The following BRCA2 variants were observed in gnomAD, a reference collection of about 807,000 sequenced individuals.
BRCA2 encodes breast cancer type 2 susceptibility protein.
Under a neutral mutation model 276.7 loss-of-function variants are expected in BRCA2, and 203 were observed. That is an observed-to-expected ratio of 0.73 (90% CI 0.65 to 0.82). The LOEUF (loss-of-function observed/expected upper bound fraction) is 0.82, where lower values mean the gene tolerates loss of function less well. Ranked by LOEUF, BRCA2 falls within the 40% of genes least tolerant of loss-of-function variation. The probability of loss-of-function intolerance (pLI) is 0.00; values close to 1 mark genes in which losing one functional copy is unlikely to be tolerated. For missense variants in BRCA2, 3,920 were observed against 3,915.0 expected (o/e 1.00, Z -0.03); for synonymous variants, 1,289 against 1,338.4 (o/e 0.96, Z 0.81).
Position 32,339,829 on chromosome 13 carries a change from C to T in BRCA2, c.5474C>T (p.Ala1825Val), listed in dbSNP as rs397507352. 8.1e-6 allele frequency: 13 copies of T among 1,613,740 alleles called. No individual in the cohort carries two copies. In the Admixed American group the frequency reaches 1.0e-4, roughly 12 times the overall value. The change falls in exon 11 of 27, where the codon GCA (alanine) becomes GTA (valine). Residue 1825 changes from alanine (A) to valine (V), a missense_variant. Physicochemically the swap from Ala to Val is moderately conservative, Grantham distance 64. Transcript: ENST00000380152. Reference protein sequence around the residue: ...TSSSPCKNKNAAIKLSISNSN... With the variant: ...TSSSPCKNKNVAIKLSISNSN... ...TCTTCACCCTGCAAAAATAAAAATG[C>T]AGCCATTAAATTGTCCATATCTAAT... is the stretch of plus-strand genomic sequence containing the variant.
In BRCA2 at chr13:32,363,523, T is replaced by A. The variant is rs786203278; in HGVS notation, c.8321T>A (p.Leu2774His). The A allele has an allele frequency of 6.2e-7, 1 of 1,612,678 alleles. No homozygotes were observed. The highest frequency in any genetic ancestry group is 8.5e-7 in the Non-Finnish European group (1 of 1,178,754). Residue 2774 changes from leucine (L) to histidine (H), a missense_variant, in exon 18 of 27, where the codon CTT becomes CAT. Leu to His is a moderately conservative substitution (Grantham distance 99). Around this residue, in one of 2 missense-constraint regions of BRCA2, gnomAD observed 657 missense variants for 758.2 expected, o/e 0.87. Coordinates refer to ENST00000380152, the MANE Select transcript of BRCA2 (RefSeq NM_000059.4). The part of the protein sequence containing the change: ...ACTPLEAPES[L>H]MLKISANSTR... ...ACACCTCTTGAAGCCCCAGAATCTC[T>A]TATGTTAAAGGTAAATTAATTTGCA... is the stretch of plus-strand genomic sequence containing the variant.
chr13:32,364,809 T>C (rs1308563849), intron 18 of BRCA2, among the ~76,000 whole-genome samples: 1 of 152,186 alleles, frequency 6.6e-6, no homozygotes, highest in East Asian at 1.9e-4. Context: ...GCTTACTCCA[T>C]TCTGAAGTGC....
In BRCA2 at chr13:32,398,833, A is replaced by G. The variant is rs2073059308; in HGVS notation, c.*63A>G. The G allele has an allele frequency of 6.4e-7, 1 of 1,561,908 alleles. No homozygotes were observed. ...CCTTTCCAGTTTATAAGACTGGAATATAATTTCAAACCACACATTAGTACT... is the reference window on the plus strand; with the variant it reads ...CCTTTCCAGTTTATAAGACTGGAATGTAATTTCAAACCACACATTAGTACT... On this transcript the variant is annotated 3_prime_UTR_variant, in exon 27 of 27. Coordinates refer to ENST00000380152, the MANE Select transcript of BRCA2 (RefSeq NM_000059.4).
At chr13:32,319,608 C>G (rs1192911033) in intron 3 of BRCA2, among the ~76,000 whole-genome samples, 1 of 152,128 alleles carries the variant, frequency 6.6e-6, no homozygotes, top group Non-Finnish European at 1.5e-5. Flanking sequence ...GCCAAAAAAA[C>G]CTAGGACTTG....
At chr13:32,322,488 A>G (rs1021434449) in intron 3 of BRCA2, among the ~76,000 whole-genome samples, 1 of 152,160 alleles carries the variant, frequency 6.6e-6, no homozygotes, top group African/African-American at 2.4e-5. Flanking sequence ...AAGTAAAGGG[A>G]TGGGTCTGGC....
At chr13:32,358,584 G>A (rs1486059606) in intron 16 of BRCA2, among the ~76,000 whole-genome samples, 1 of 151,756 alleles carries the variant, frequency 6.6e-6, no homozygotes, top group Non-Finnish European at 1.5e-5. Context: ...TTGAGCACAG[G>A]AGTTTGAGAC....
chr13:32,379,747 C>T lies in BRCA2; in HGVS notation c.8954-3C>T, dbSNP rs81002844. ...TGCATCTTTCTCATCTTTCTCCAAA[C>T]AGTTATACTGAGTATTTGGCGTCCA... is the stretch of plus-strand genomic sequence containing the variant. On this transcript the variant is annotated splice_polypyrimidine_tract_variant and splice_region_variant and intron_variant, in intron 22 of 26. Transcript: ENST00000380152. 1 of 1,609,162 alleles carries T rather than the reference C, an allele frequency of 6.2e-7. No individual in the cohort carries two copies. Among genetic ancestry groups the T allele is most frequent in the Non-Finnish European group, 8.5e-7 (1 of 1,175,754 alleles).
rs80359206 is a variant in BRCA2 at position 32,394,782 on chromosome 13, A to G, written c.9350A>G (p.His3117Arg). The G allele has an allele frequency of 1.2e-6, 2 of 1,614,132 alleles. No individual in the cohort carries two copies. The highest frequency in any genetic ancestry group is 1.7e-5 in the Admixed American group (1 of 60,014). ...IDLNEDIIKP[H>R]MLIAASNLQW... The stretch of plus-strand genomic sequence containing the variant: ...CTTAATGAGGACATTATTAAGCCTC[A>G]TATGTTAATTGCTGCAAGCAACCTC... Residue 3117 changes from histidine (H) to arginine (R), a missense_variant, in exon 25 of 27, where the codon CAT becomes CGT. Physicochemically the swap from His to Arg is conservative, Grantham distance 29. Coordinates refer to ENST00000380152, the MANE Select transcript of BRCA2 (RefSeq NM_000059.4).
At chr13:32,341,867 C>CA (rs748134067) in intron 11 of BRCA2, among the ~76,000 whole-genome samples, 1,087 of 97,206 alleles carry the variant, frequency 0.011, 13 homozygotes, top group African/African-American at 0.032. Context: ...GACTCCGTCT[C>CA]AAAAAAAAAA....
chr13:32,398,438 G>T lies in BRCA2; in HGVS notation c.9925G>T (p.Glu3309Ter), dbSNP rs80359251. The change falls in exon 27 of 27, where the codon GAA (glutamate) becomes TAA (stop). Residue 3309 changes from glutamate (E) to a stop codon, truncating the protein, a stop_gained. Coordinates refer to ENST00000380152, the MANE Select transcript of BRCA2 (RefSeq NM_000059.4). LOFTEE classifies it low-confidence loss of function (END_TRUNC). ...ACCAAGGAGTTGTGGCACCAAATAC[G>T]AAACACCCATAAAGAAAAAAGAACT... ...QPPRSCGTKY[E>*]TPIKKKELNS... The T allele has an allele frequency of 6.2e-7, 1 of 1,614,132 alleles. No individual in the cohort carries two copies. The highest frequency in any genetic ancestry group is 8.5e-7 in the Non-Finnish European group (1 of 1,180,020).
chr13:32,393,837 C>T (rs958790312), intron 24 of BRCA2, among the ~76,000 whole-genome samples: 2 of 152,168 alleles, frequency 1.3e-5, no homozygotes, highest in African/African-American at 4.8e-5. Flanking sequence ...TGAAGTATCA[C>T]TGTGGTTCTA....
At chr13:32,329,355 T>G (rs1178984681) in intron 7 of BRCA2, 88 bp from the exon 8 acceptor site, 9 of 860,068 alleles carry the variant, frequency 1.0e-5, no homozygotes, top group Non-Finnish European at 1.7e-5. Context: ...TGTAATCAAA[T>G]AGTAGATGTG....
intron 3 of BRCA2, among the ~76,000 whole-genome samples, chr13:32,321,031 T>C (rs746465099): frequency 2.0e-5 from 3 of 152,188 alleles, no homozygotes; most frequent in Non-Finnish European, 2.9e-5. Context: ...AGTTAGGGGA[T>C]GTGTAATGGT....
At chr13:32,330,379 T>C (rs2072380027) in intron 8 of BRCA2, among the ~76,000 whole-genome samples, 1 of 152,220 alleles carries the variant, frequency 6.6e-6, no homozygotes, top group South Asian at 2.1e-4. Flanking sequence ...TTTTTTTCCT[T>C]TCCTTAAGTC....
In BRCA2 at chr13:32,340,363, TAGA is replaced by T. The variant is rs761799851; in HGVS notation, c.6012_6014del (p.Glu2004del). 3.1e-6 allele frequency: 5 copies of T among 1,613,948 alleles called. No individual in the cohort carries two copies. The highest frequency in any genetic ancestry group is 4.2e-6 in the Non-Finnish European group (5 of 1,179,892). ...AACGCAAGACAAGTGTTTTCTGAAA[TAGA>T]AGATAGTACCAAGCAAGTCTTTTCC... On this transcript the variant is annotated inframe_deletion, in exon 11 of 27. Transcript: ENST00000380152.
At chr13:32,336,028 T>A (rs2137480945) in intron 10 of BRCA2, among the ~76,000 whole-genome samples, 1 of 152,038 alleles carries the variant, frequency 6.6e-6, no homozygotes, top group Middle Eastern at 3.4e-3. Flanking sequence ...ACCACAGGCA[T>A]ACACCACCAC....
At position 32,398,488 on chromosome 13, in the gene BRCA2, T is replaced by TA. The variant is rs1328254546; in HGVS notation, c.9981dup (p.Phe3328IlefsTer3). ...TGAATTCTCCTCAGATGACTCCATTTAAAAAATTCAATGAAATTTCTCTTT... is the reference window on the plus strand; with the variant it reads ...TGAATTCTCCTCAGATGACTCCATTTAAAAAAATTCAATGAAATTTCTCTTT... On this transcript the variant is annotated frameshift_variant, in exon 27 of 27. Transcript: ENST00000380152. LOFTEE classifies it low-confidence loss of function (END_TRUNC). 1 of 1,614,136 alleles carries TA rather than the reference T, an allele frequency of 6.2e-7. No individual in the cohort carries two copies. Among genetic ancestry groups the TA allele is most frequent in the Non-Finnish European group, 8.5e-7 (1 of 1,180,010 alleles).
In BRCA2 at chr13:32,379,361, G is replaced by A. The variant is rs928831047; in HGVS notation, c.8799G>A (p.Arg2933=). ...AGTTAAGAGCCTTGAATAATCACAGGCAAATGTTGAATGATAAGAAACAAG... is the reference window on the plus strand; with the variant it reads ...AGTTAAGAGCCTTGAATAATCACAGACAAATGTTGAATGATAAGAAACAAG... ...EEQLRALNNH[R]QMLNDKKQAQ... Residue 2933 remains arginine (R), a synonymous_variant, in exon 22 of 27, where the codon AGG becomes AGA. Transcript: ENST00000380152. The A allele has an allele frequency of 1.2e-5, 19 of 1,613,642 alleles. No homozygotes were observed. The highest frequency in any genetic ancestry group is 1.5e-5 in the Non-Finnish European group (18 of 1,179,846).
rs747048245 is a variant in BRCA2 at position 32,340,889 on chromosome 13, T to C, written c.6534T>C (p.His2178=). 6.2e-7 allele frequency: 1 copy of C among 1,606,468 alleles called. No homozygotes were observed. The highest frequency in any genetic ancestry group is 1.1e-5 in the South Asian group (1 of 88,598). ...GTKVSLVENI[H]VLGKEQASPK... is the part of the protein sequence containing the mutation. ...AAGTGTCACTTGTTGAGAACATTCA[T>C]GTTTTGGGAAAAGAACAGGCTTCAC... The change falls in exon 11 of 27, where the codon CAT becomes CAC. Residue 2178 remains histidine, a synonymous_variant. Transcript: ENST00000380152.
Sources: allele counts gnomAD v4.1 joint callset (sites outside exome capture counted in the v4.1 genomes callset), GRCh38; gene constraint gnomAD v4.1.1; regional missense constraint gnomAD v4.1.1; transcripts MANE v1.5; gene names NCBI Gene and HGNC (gene_info 2026-07-23, HGNC 2026-07-21).